TLN2: variants seen among roughly 807,000 people sequenced by gnomAD.
TLN2 encodes talin-2.
Under a neutral mutation model 294.7 loss-of-function variants are expected in TLN2, and 118 were observed. That is an observed-to-expected ratio of 0.40 (90% CI 0.34 to 0.47). The LOEUF (loss-of-function observed/expected upper bound fraction) is 0.47, where lower values mean the gene tolerates loss of function less well. Ranked by LOEUF, TLN2 falls within the 20% of genes least tolerant of loss-of-function variation. The pLI is 0.84. For missense variants in TLN2, 3,083 were observed against 3,282.2 expected, an observed-to-expected ratio of 0.94 and a Z score of 1.48; for synonymous variants, 1,431 against 1,304.5, an observed-to-expected ratio of 1.10 and a Z score of -2.09.
At chr15:62,755,142 T>G (rs1258029376) in intron 36 of TLN2, 1 of 159,792 alleles carries the variant, frequency 6.3e-6, no homozygotes, top group African/African-American at 2.4e-5. Context: ...TTTCATTAAT[T>G]TCTCTTGTTT....
chr15:62,828,498 A>T (rs1436372676), intron 54 of TLN2: 4 of 152,258 alleles, frequency 2.6e-5, no homozygotes, highest in Admixed American at 2.6e-4. Flanking sequence ...CTGTCTTGTT[A>T]CATAAGAGTG....
rs1328886723 is a variant in TLN2, at chr15:62,727,172, G to A, written c.3341G>A (p.Gly1114Asp). ...CAGCTGCTGACCTGTGCTGCTCAAG[G>A]CAACGAACACTACACAGGTGAGACC... ...MAQLLTCAAQ[G>D]NEHYTGVAAR... The change falls in exon 28 of 59, where the codon GGC becomes GAC. Residue 1114 changes from glycine to aspartate, a missense_variant. By Grantham distance (94) the Gly-to-Asp change is moderately conservative. Coordinates refer to ENST00000636159, the MANE Select transcript of TLN2 (RefSeq NM_015059.3). The A allele has an allele frequency of 1.9e-6, 3 of 1,614,044 alleles. No individual in the cohort carries two copies. The highest frequency in any genetic ancestry group is 2.7e-5 in the African/African-American group (2 of 74,924).
chr15:62,407,772 T>C (rs4775498), intron 1 of TLN2, among the ~76,000 whole-genome samples: 20,265 of 151,818 alleles, frequency 0.13, 1,416 homozygotes, highest in Admixed American at 0.15. Flanking sequence ...AAAAATTAGC[T>C]GGTGTTGTGG....
intron 50 of TLN2, among the ~76,000 whole-genome samples, chr15:62,801,755 G>A (rs950229863): frequency 6.6e-6 from 1 of 152,198 alleles, no homozygotes; most frequent in Non-Finnish European, 1.5e-5. Flanking sequence ...GCACTTGCCT[G>A]GCTGCACAGG....
intron 1 of TLN2, among the ~76,000 whole-genome samples, chr15:62,537,683 A>G (rs528837994): frequency 1.3e-5 from 2 of 152,244 alleles, no homozygotes; most frequent in African/African-American, 4.8e-5. Flanking sequence ...GGGTTATCTG[A>G]GAGGTGGAAT....
intron 1 of TLN2, among the ~76,000 whole-genome samples, chr15:62,439,408 G>A (rs189499640): frequency 2.6e-5 from 4 of 152,240 alleles, no homozygotes; most frequent in Non-Finnish European, 5.9e-5. Context: ...CGCCTCCTGG[G>A]TTCAAGTGAT....
At chr15:62,463,794 G>A (rs1263511582) in intron 1 of TLN2, among the ~76,000 whole-genome samples, 2 of 152,288 alleles carry the variant, frequency 1.3e-5, no homozygotes, top group African/African-American at 4.8e-5. Flanking sequence ...GGCTGAGGTG[G>A]GAGAATGGCA....
chr15:62,524,557 T>C (rs571575002), intron 1 of TLN2, among the ~76,000 whole-genome samples: 8 of 152,142 alleles, frequency 5.3e-5, no homozygotes, highest in African/African-American at 1.4e-4. Flanking sequence ...GATCCCTACC[T>C]TGAAGTAGCC....
intron 2 of TLN2, among the ~76,000 whole-genome samples, chr15:62,615,841 G>A (rs2048271698): frequency 6.6e-6 from 1 of 152,264 alleles, no homozygotes; most frequent in East Asian, 1.9e-4. Flanking sequence ...TCTCTGGAGG[G>A]GAGTGTGTGG....
At chr15:62,651,177 C>T (rs1179429598) in intron 5 of TLN2, among the ~76,000 whole-genome samples, 6 of 152,100 alleles carry the variant, frequency 3.9e-5, no homozygotes, top group African/African-American at 1.4e-4. Context: ...CAAGTAGTCA[C>T]CTCCCTCTGC....
chr15:62,429,735 C>A (rs2034913761), intron 1 of TLN2, among the ~76,000 whole-genome samples: 1 of 152,180 alleles, frequency 6.6e-6, no homozygotes, highest in Non-Finnish European at 1.5e-5. Flanking sequence ...GCTAAAACAT[C>A]AGGCACACCA....
chr15:62,647,480 C>T (rs746320193), intron 4 of TLN2, 34 bp downstream of exon 4: 33 of 1,612,640 alleles, frequency 2.0e-5, no homozygotes, highest in East Asian at 6.7e-5. Flanking sequence ...CTTCTTAAAA[C>T]GTGTTTGCAT....
intron 12 of TLN2, among the ~76,000 whole-genome samples, chr15:62,688,684 T>C (rs925245598): frequency 6.6e-6 from 1 of 152,208 alleles, no homozygotes; most frequent in Non-Finnish European, 1.5e-5. Flanking sequence ...TGAAGCTTTG[T>C]TGTTTGATGC....
chr15:62,504,669 A>T (rs145850634), intron 1 of TLN2, among the ~76,000 whole-genome samples: 1,603 of 152,308 alleles, frequency 0.011, 23 homozygotes, highest in African/African-American at 0.034. Flanking sequence ...ACATACAAAA[A>T]TTATCTTGAA....
At chr15:62,668,442 T>A (rs2054991402) in intron 9 of TLN2, among the ~76,000 whole-genome samples, 1 of 152,240 alleles carries the variant, frequency 6.6e-6, no homozygotes, top group South Asian at 2.1e-4. Context: ...CCTAAATGTG[T>A]TAAATTCCCC....
chr15:62,464,194 C>A (rs1178288853), intron 1 of TLN2, among the ~76,000 whole-genome samples: 2 of 152,124 alleles, frequency 1.3e-5, no homozygotes, highest in Non-Finnish European at 2.9e-5. Context: ...CAGTGATGGA[C>A]TGGATTAAGA....
intron 1 of TLN2, among the ~76,000 whole-genome samples, chr15:62,511,604 C>G (rs963637591): frequency 6.6e-6 from 1 of 152,102 alleles, no homozygotes; most frequent in Non-Finnish European, 1.5e-5. Flanking sequence ...CACCCCACCC[C>G]CAGCGTGAGA....
intron 3 of TLN2, among the ~76,000 whole-genome samples, chr15:62,631,656 T>TTTCTTTC (rs1166682156): frequency 7.0e-6 from 1 of 143,774 alleles, no homozygotes; most frequent in Non-Finnish European, 1.6e-5. Flanking sequence ...TTTCCTTCTT[T>TTTCTTTC]TTCTTTCTTT....
intron 23 of TLN2, among the ~76,000 whole-genome samples, chr15:62,717,183 G>A (rs2059831568): frequency 6.6e-6 from 1 of 152,220 alleles, no homozygotes; most frequent in African/African-American, 2.4e-5. Context: ...AGTGCTGAGA[G>A]AGGAGAGTCA....
Sources: gnomAD v4.1 joint callset for allele counts (sites outside exome capture counted in the v4.1 genomes callset) on GRCh38, gnomAD v4.1.1 for gene constraint, MANE v1.5 for transcripts, NCBI Gene and HGNC (gene_info 2026-07-23, HGNC 2026-07-21) for gene names.